The following ANO3 variants were observed in gnomAD, a reference collection of about 807,000 sequenced individuals.
ANO3 encodes anoctamin-3.
Under a neutral mutation model 144.8 loss-of-function variants are expected in ANO3, and 99 were observed. The ratio of observed to expected loss-of-function variants is 0.68; its 90% CI spans 0.58 to 0.81. ANO3 has a LOEUF of 0.81. ANO3 is among the 30% of genes least tolerant of loss of function. The pLI is 0.00. For missense variants in ANO3, 905 were observed against 1,202.2 expected, an observed-to-expected ratio of 0.75 and a Z score of 3.66; for synonymous variants, 414 against 392.6, an observed-to-expected ratio of 1.05 and a Z score of -0.64.
chr11:26,437,619 G>A (rs893469931), intron 1 of ANO3, among the ~76,000 whole-genome samples: 2 of 67,938 alleles, frequency 2.9e-5, no homozygotes, highest in Admixed American at 1.8e-4. Context: ...TTCTTTCCAC[G>A]AGAGTGGGCA....
intron 1 of ANO3, among the ~76,000 whole-genome samples, chr11:26,286,529 T>C (rs1319575679): frequency 6.6e-6 from 1 of 152,232 alleles, no homozygotes; most frequent in Non-Finnish European, 1.5e-5. Flanking sequence ...TGTATAATAA[T>C]TGCACAGTAA....
chr11:26,302,094 G>A (rs1049204218), intron 1 of ANO3, among the ~76,000 whole-genome samples: 20 of 152,216 alleles, frequency 1.3e-4, no homozygotes, highest in African/African-American at 4.3e-4. Context: ...ATCATGTGCT[G>A]TCTGTCTCAT....
intron 1 of ANO3, among the ~76,000 whole-genome samples, chr11:26,382,690 A>G (rs1856621716): frequency 6.6e-6 from 1 of 152,156 alleles, no homozygotes; most frequent in Non-Finnish European, 1.5e-5. Context: ...ACAGTGATGA[A>G]CTAGCCTTGT....
intron 1 of ANO3, among the ~76,000 whole-genome samples, chr11:26,355,706 C>A (rs1490505796): frequency 7.0e-6 from 1 of 142,580 alleles, no homozygotes; most frequent in African/African-American, 3.0e-5. Flanking sequence ...ATTACAGGCG[C>A]CCCCCACCAC....
At chr11:26,434,579 C>T (rs72886255) in intron 1 of ANO3, among the ~76,000 whole-genome samples, 6,337 of 152,150 alleles carry the variant, frequency 0.042, 181 homozygotes, top group African/African-American at 0.077. Context: ...ATAAATTTCC[C>T]TTCTAACACT....
chr11:26,306,125 A>ATTT (rs57674074), upstream of ANO3, among the ~76,000 whole-genome samples: 2 of 113,024 alleles, frequency 1.8e-5, no homozygotes, highest in Admixed American at 9.7e-5. Flanking sequence ...AGCCCGGATA[A>ATTT]TTTTTTTTTT....
chr11:26,386,247 G>T (rs2133956467), intron 1 of ANO3, among the ~76,000 whole-genome samples: 1 of 152,254 alleles, frequency 6.6e-6, no homozygotes. Flanking sequence ...CAGTGAATAA[G>T]TAGGAATATA....
intron 14 of ANO3, among the ~76,000 whole-genome samples, chr11:26,588,026 CTGA>C (rs1157680712): frequency 1.3e-5 from 2 of 151,126 alleles, no homozygotes; most frequent in African/African-American, 4.9e-5. Flanking sequence ...TTTTTAATCA[CTGA>C]TTATTTAAAA....
chr11:26,235,758 C>T (rs755340361), intron 1 of ANO3, among the ~76,000 whole-genome samples: 15 of 151,668 alleles, frequency 9.9e-5, no homozygotes, highest in Non-Finnish European at 1.9e-4. Context: ...CTATTTTAGA[C>T]CATTTTGTGT....
At chr11:26,555,514 G>A (rs1850058896) in intron 13 of ANO3, among the ~76,000 whole-genome samples, 1 of 152,060 alleles carries the variant, frequency 6.6e-6, no homozygotes. Context: ...CTTCTTTTCT[G>A]AACAGAGAAA....
intron 1 of ANO3, among the ~76,000 whole-genome samples, chr11:26,345,873 GA>G (rs1283470076): frequency 6.6e-6 from 1 of 152,112 alleles, no homozygotes; most frequent in Non-Finnish European, 1.5e-5. Context: ...TTTGCCGAAG[GA>G]AACAAAGTCA....
intron 24 of ANO3, among the ~76,000 whole-genome samples, chr11:26,648,475 G>T (rs1853421121): frequency 6.6e-6 from 1 of 152,100 alleles, no homozygotes; most frequent in South Asian, 2.1e-4. Context: ...GGGCTGTCTT[G>T]TACATTGCAG....
At chr11:26,244,947 T>C (rs1292441465) in intron 1 of ANO3, among the ~76,000 whole-genome samples, 1 of 151,038 alleles carries the variant, frequency 6.6e-6, no homozygotes, top group East Asian at 1.9e-4. Flanking sequence ...TAGTTTTATT[T>C]AATATAGAAG....
chr11:26,361,133 G>A (rs2133924874), intron 1 of ANO3, among the ~76,000 whole-genome samples: 1 of 152,276 alleles, frequency 6.6e-6, no homozygotes, highest in South Asian at 2.1e-4. Context: ...GGAGGTTAGT[G>A]CTTAAAGCCT....
At chr11:26,245,018 T>TGTGTGTGTGTGC (rs151031559) in intron 1 of ANO3, among the ~76,000 whole-genome samples, 4 of 145,324 alleles carry the variant, frequency 2.8e-5, no homozygotes, top group African/African-American at 1.0e-4. Context: ...TGTGTGTGTG[T>TGTGTGTGTGTGC]GTGCATGCAT....
intron 1 of ANO3, among the ~76,000 whole-genome samples, chr11:26,438,106 T>C (rs1858358159): frequency 6.6e-6 from 1 of 152,198 alleles, no homozygotes; most frequent in Non-Finnish European, 1.5e-5. Flanking sequence ...ACCTCAGTGC[T>C]AAAGCCAGTA....
chr11:26,194,448 G>GTGTGTGTGTA lies in ANO3; in HGVS notation c.154+5127_154+5128insATGTGTGTGT, dbSNP rs1554920731. Among the ~76,000 whole-genome samples, 1,081 of 136,940 alleles carry GTGTGTGTGTA rather than the reference G, an allele frequency of 7.9e-3. 14 individuals are homozygous for GTGTGTGTGTA. The highest frequency in any genetic ancestry group is 0.028 in the African/African-American group (1,018 of 35,948). The allele number at this position is 136,940 out of a possible 152,430, so 89.8% of individuals were successfully genotyped here. A position where few individuals can be genotyped will look rare whatever the true frequency, so the allele number is the denominator to read the frequency against. On this transcript the variant is annotated intron_variant, in intron 1 of 27. Coordinates refer to the ANO3 transcript ENST00000672621. ...TTTGTGGGTACATAGTGGTGTGTGT[G>GTGTGTGTGTA]TGTGTGTGTGTGTGTGTGTGTGTGT...
intron 1 of ANO3, among the ~76,000 whole-genome samples, chr11:26,390,683 GTATATT>G (rs1856852003): frequency 6.6e-6 from 1 of 152,062 alleles, no homozygotes; most frequent in Admixed American, 6.6e-5. Context: ...GGAAATAAAT[GTATATT>G]TATAAGACAC....
At position 26,220,591 on chromosome 11, in the gene ANO3, T is replaced by C. The variant is rs1312002930; in HGVS notation, c.154+31261T>C. ...TCACCTTCCCACAGAAATTGAGGAATATCTGGTGAACCGTGAAGGCATTCT... is the reference window on the plus strand; with the variant it reads ...TCACCTTCCCACAGAAATTGAGGAACATCTGGTGAACCGTGAAGGCATTCT... On this transcript the variant is annotated intron_variant, in intron 1 of 27. Coordinates refer to the ANO3 transcript ENST00000672621. Among the ~76,000 whole-genome samples, 5 of 152,222 alleles carry C rather than the reference T, an allele frequency of 3.3e-5. 1 individual carries two copies. Among genetic ancestry groups the C allele is most frequent in the Admixed American group, 2.6e-4 (4 of 15,286 alleles).
Sources: allele counts gnomAD v4.1 joint callset (sites outside exome capture counted in the v4.1 genomes callset), GRCh38; gene constraint gnomAD v4.1.1; transcripts MANE v1.5; gene names NCBI Gene and HGNC (gene_info 2026-07-23, HGNC 2026-07-21).